MTR: variants seen among roughly 807,000 people sequenced by gnomAD.
MTR encodes 5-methyltetrahydrofolate-homocysteine methyltransferase, also known as methionine synthase.
A neutral mutation model predicts 154.8 loss-of-function variants in MTR; 84 were observed. The ratio of observed to expected loss-of-function variants is 0.54; its 90% CI spans 0.45 to 0.65. The LOEUF is 0.65. Among genes scored for constraint, MTR ranks in the 30% least tolerant of loss-of-function variants. MTR has a pLI of 0.00. For missense variants in MTR, 1,275 were observed against 1,570.2 expected, an observed-to-expected ratio of 0.81 and a Z score of 3.18; for synonymous variants, 554 against 553.9, an observed-to-expected ratio of 1.00 and a Z score of 0.00.
rs1666891576 is a variant in MTR, at chr1:236,900,968, G to A, written c.*3324G>A. ...ACTTTGGAATTTAAAAAGAATGTCT[G>A]GAGTTAGAATTGAGAGACTTGAACG... On this transcript the variant is annotated 3_prime_UTR_variant, in exon 33 of 33. Coordinates refer to ENST00000366577, the MANE Select transcript of MTR (RefSeq NM_000254.3). 6.5e-6 allele frequency: 1 copy of A among 152,898 alleles called. No individual in the cohort carries two copies. The highest frequency in any genetic ancestry group is 2.4e-5 in the African/African-American group (1 of 41,434). The allele number at this position is 152,898 out of a possible 1,614,324, so 9.5% of individuals were successfully genotyped here. A position where few individuals can be genotyped will look rare whatever the true frequency, so the allele number is the denominator to read the frequency against.
At chr1:236,874,458 G>A (rs549743906) in intron 23 of MTR, among the ~76,000 whole-genome samples, 10 of 151,528 alleles carry the variant, frequency 6.6e-5, no homozygotes, top group East Asian at 1.9e-4. Context: ...ACCTGTAATC[G>A]CAGCTACTCA....
In MTR at chr1:236,838,562, C is replaced by T. The variant is rs150652021; in HGVS notation, c.1478C>T (p.Ala493Val). The T allele has an allele frequency of 1.2e-6, 2 of 1,614,104 alleles. No individual in the cohort carries two copies. Among genetic ancestry groups the T allele is most frequent in the Admixed American group, 3.3e-5 (2 of 60,024 alleles). The stretch of plus-strand genomic sequence containing the variant: ...GCCAGGAAGATTAAAAAGTATGGAG[C>T]TGCTATGGTGGTCATGGCTTTTGAT... The part of the protein sequence containing the change: ...EKARKIKKYG[A>V]AMVVMAFDEE... The change falls in exon 15 of 33, where the codon GCT becomes GTT. Residue 493 changes from alanine (A) to valine (V), a missense_variant. Transcript: ENST00000366577.
chr1:236,841,283 A>T (rs573186190), intron 15 of MTR, among the ~76,000 whole-genome samples: 1 of 152,244 alleles, frequency 6.6e-6, no homozygotes, highest in Non-Finnish European at 1.5e-5. Context: ...TTCAGTGCTT[A>T]CATTATTAAA....
At chr1:236,827,104 A>C (rs968172437) in intron 11 of MTR, among the ~76,000 whole-genome samples, 13 of 152,184 alleles carry the variant, frequency 8.5e-5, no homozygotes, top group Admixed American at 6.5e-4. Context: ...AGGTGTACCT[A>C]ATCCAACATG....
At chr1:236,833,074 C>T (rs141010106) in intron 13 of MTR, among the ~76,000 whole-genome samples, 90 of 152,244 alleles carry the variant, frequency 5.9e-4, no homozygotes, top group African/African-American at 1.8e-3. Flanking sequence ...TCTGTCATTC[C>T]GTCCTCTTCA....
chr1:236,891,874 T>C (rs1418313341), intron 29 of MTR, among the ~76,000 whole-genome samples: 1 of 152,044 alleles, frequency 6.6e-6, no homozygotes, highest in African/African-American at 2.4e-5. Flanking sequence ...AGATGAAGGA[T>C]GATGGAGATT....
chr1:236,826,952 T>G, intron 11 of MTR, 56 bp downstream of exon 11: 1 of 1,480,762 alleles, frequency 6.8e-7, no homozygotes, highest in Non-Finnish European at 9.4e-7. Flanking sequence ...CAGGTAATAA[T>G]CTAAATATGT....
chr1:236,808,631 G>A, intron 3 of MTR, 73 bp from the exon 4 acceptor site: 2 of 1,406,060 alleles, frequency 1.4e-6, no homozygotes, highest in Non-Finnish European at 2.0e-6. Context: ...CTGAGTATTA[G>A]ATGGTCATGA....
At chr1:236,831,350 A>T (rs1031257740) in intron 12 of MTR, among the ~76,000 whole-genome samples, 2 of 152,176 alleles carry the variant, frequency 1.3e-5, no homozygotes, top group African/African-American at 4.8e-5. Flanking sequence ...ATGTTGGTGG[A>T]TAAGGAAACA....
At chr1:236,846,430 A>G (rs753925832) in intron 15 of MTR, among the ~76,000 whole-genome samples, 48 of 152,216 alleles carry the variant, frequency 3.2e-4, no homozygotes, top group African/African-American at 1.2e-4. Context: ...TGTGTAAACT[A>G]TATAAAAGAA....
Position 236,795,589 on chromosome 1 carries a change from G to A in MTR, c.-115G>A. 1 of 1,591,688 alleles carries A rather than the reference G, an allele frequency of 6.3e-7. No individual in the cohort carries two copies. The highest frequency in any genetic ancestry group is 8.5e-7 in the Non-Finnish European group (1 of 1,173,112). ...GCCAACGGGAGGCGTCAAAAGACCC[G>A]GGCCTTGTGTGGCAGGCTCGCCTGG... On this transcript the variant is annotated 5_prime_UTR_variant, in exon 1 of 33. Transcript: ENST00000366577.
chr1:236,880,659 C>A, intron 24 of MTR, 96 bp from the exon 25 acceptor site: 2 of 992,484 alleles, frequency 2.0e-6, no homozygotes, highest in Non-Finnish European at 3.2e-6. Context: ...CTGGAAAGCA[C>A]TGTAGAAATA....
intron 24 of MTR, among the ~76,000 whole-genome samples, chr1:236,875,472 A>G (rs368108815): frequency 4.6e-5 from 7 of 152,318 alleles, no homozygotes; most frequent in African/African-American, 1.2e-4. Flanking sequence ...TCCTGGGATC[A>G]TGATCATAGT....
intron 15 of MTR, among the ~76,000 whole-genome samples, chr1:236,844,223 A>C (rs1252254): frequency 3.9e-5 from 6 of 152,312 alleles, no homozygotes; most frequent in African/African-American, 9.6e-5. Flanking sequence ...AAAGAGTTGT[A>C]GATAGATCAA....
At chr1:236,884,469 T>A (rs1276855168) in intron 25 of MTR, among the ~76,000 whole-genome samples, 1 of 152,040 alleles carries the variant, frequency 6.6e-6, no homozygotes, top group Non-Finnish European at 1.5e-5. Context: ...ATGACCATGG[T>A]TTATTGTTGT....
At chr1:236,845,717 G>T (rs1247267006) in intron 15 of MTR, among the ~76,000 whole-genome samples, 1 of 152,130 alleles carries the variant, frequency 6.6e-6, no homozygotes, top group Non-Finnish European at 1.5e-5. Context: ...GCAGATTATG[G>T]AGCAGCATGT....
rs1219131651 is a variant in MTR, at chr1:236,900,771, G to A, written c.*3127G>A. On this transcript the variant is annotated 3_prime_UTR_variant, in exon 33 of 33. Transcript: ENST00000366577. ...GGTAAACAGCAGCTAGAAAGGTGAG[G>A]GGCAGGAGAGTGGTGCATCCTTGCT... 1 of 152,460 alleles carries A rather than the reference G, an allele frequency of 6.6e-6. No individual in the cohort carries two copies. The highest frequency in any genetic ancestry group is 1.5e-5 in the Non-Finnish European group (1 of 68,082). 9.4% of individuals were successfully genotyped at this position (152,460 alleles called of 1,614,324 possible). A position where few individuals can be genotyped will look rare whatever the true frequency, so the allele number is the denominator to read the frequency against.
intron 23 of MTR, 103 bp downstream of exon 23, chr1:236,873,943 T>C: frequency 1.8e-6 from 2 of 1,122,298 alleles, no homozygotes; most frequent in Non-Finnish European, 2.6e-6. Flanking sequence ...CCCATGAGGG[T>C]TCTGTGGGAC....
chr1:236,848,627 C>T (rs3768135), intron 15 of MTR, among the ~76,000 whole-genome samples: 53,451 of 151,798 alleles, frequency 0.35, 10,205 homozygotes, highest in East Asian at 0.43. Context: ...TTAAGGAAGA[C>T]GAAAGCTCGC....
Sources: gnomAD v4.1 joint callset for allele counts (sites outside exome capture counted in the v4.1 genomes callset) on GRCh38, gnomAD v4.1.1 for gene constraint, MANE v1.5 for transcripts, NCBI Gene and HGNC (gene_info 2026-07-23, HGNC 2026-07-21) for gene names.